The following EML6 variants were observed in gnomAD, a reference collection of about 807,000 sequenced individuals.
EML6 encodes EMAP like 6.
In EML6, 154 loss-of-function variants were observed where a neutral mutation model predicts 240.1. The observed-to-expected ratio is 0.64, with a 90% CI of 0.56 to 0.73. The LOEUF (loss-of-function observed/expected upper bound fraction) is 0.73. Among genes scored for constraint, EML6 ranks in the 30% least tolerant of loss-of-function variants. EML6 has a pLI of 0.00. For synonymous variants in EML6, 1,148 were observed against 899.0 expected, an observed-to-expected ratio of 1.28 and a Z score of -4.95; for missense variants, 2,964 against 2,474.6, an observed-to-expected ratio of 1.20 and a Z score of -4.20.
rs146867110 is a variant in EML6, at chr2:54,918,411, C to T, written c.3675+1476C>T. Among the ~76,000 whole-genome samples, 55 of 152,266 alleles carry T rather than the reference C, an allele frequency of 3.6e-4. 1 individual carries two copies. The highest frequency in any genetic ancestry group is 3.2e-4 in the Non-Finnish European group (22 of 68,010). ...TTTCCCAGGCTGGAATACAGTGGCACGATCACCGCTCACTGCAGCCTCTAC... is the reference window on the plus strand; with the variant it reads ...TTTCCCAGGCTGGAATACAGTGGCATGATCACCGCTCACTGCAGCCTCTAC... On this transcript the variant is annotated intron_variant, in intron 26 of 41. Coordinates refer to ENST00000356458, the MANE Select transcript of EML6 (RefSeq NM_001039753.4).
chr2:54,957,593 C>T (rs1233303970), intron 32 of EML6, among the ~76,000 whole-genome samples, 197 bp from the exon 33 acceptor site: 1 of 152,228 alleles, frequency 6.6e-6, no homozygotes. Flanking sequence ...GTTACCAGCA[C>T]CTGCTGCTCT....
rs538994710 is a variant in EML6, at chr2:54,789,254, T to C, written c.198-23978T>C. Among the ~76,000 whole-genome samples the C allele has an allele frequency of 1.4e-3, 220 of 152,028 alleles. 2 individuals carry two copies. The highest frequency in any genetic ancestry group is 2.2e-3 in the African/African-American group (92 of 41,526). On this transcript the variant is annotated intron_variant, in intron 2 of 41. Transcript: ENST00000356458. ...TCCGGCCGGGCGCGGTGGCTCACGC[T>C]TGTAATCCCAGCACTTTGGGAGGCC...
chr2:54,727,032 G>C (rs1273848432), intron 2 of EML6, among the ~76,000 whole-genome samples: 3 of 152,238 alleles, frequency 2.0e-5, no homozygotes, highest in African/African-American at 4.8e-5. Context: ...AAAGGGTGGA[G>C]TTGCAGTAAA....
At chr2:54,814,074 G>GT (rs745731286) in intron 3 of EML6, among the ~76,000 whole-genome samples, 4 of 152,196 alleles carry the variant, frequency 2.6e-5, no homozygotes, top group Non-Finnish European at 5.9e-5. Context: ...TGAAAGCATT[G>GT]TTTAAAACCA....
At chr2:54,741,094 C>T (rs1365937216) in intron 2 of EML6, among the ~76,000 whole-genome samples, 1 of 152,090 alleles carries the variant, frequency 6.6e-6, no homozygotes, top group East Asian at 1.9e-4. Flanking sequence ...ACGATCACAG[C>T]GATCCAGGCA....
intron 11 of EML6, among the ~76,000 whole-genome samples, chr2:54,858,025 A>C (rs142782372): frequency 6.6e-6 from 1 of 152,204 alleles, no homozygotes; most frequent in South Asian, 2.1e-4. Context: ...TTATTATATC[A>C]TGGTTTCTGG....
intron 28 of EML6, among the ~76,000 whole-genome samples, chr2:54,946,334 G>A (rs1239879299): frequency 6.6e-6 from 1 of 152,102 alleles, no homozygotes; most frequent in Non-Finnish European, 1.5e-5. Context: ...GCCAATGCCG[G>A]GTTGTGCCCA....
Position 54,829,434 on chromosome 2 carries a change from A to G in EML6, c.804A>G (p.Pro268=). 6.4e-7 allele frequency: 1 copy of G among 1,551,976 alleles called. No homozygotes were observed. The highest frequency in any genetic ancestry group is 8.7e-7 in the Non-Finnish European group (1 of 1,146,896). Residue 268 remains proline, a synonymous_variant, in exon 7 of 42, where the codon CCA becomes CCG. Coordinates refer to ENST00000356458, the MANE Select transcript of EML6 (RefSeq NM_001039753.4). ...GACTGTGGGACACTGATTTCAAACC[A>G]ATAACCAAAATTGATCTCAGGGAGA... is the stretch of plus-strand genomic sequence containing the variant. ...CIRLWDTDFK[P]ITKIDLRETE...
chr2:54,967,488 G>A (rs1053633714), intron 39 of EML6, among the ~76,000 whole-genome samples: 5 of 152,170 alleles, frequency 3.3e-5, no homozygotes, highest in African/African-American at 1.2e-4. Flanking sequence ...CTAATTCATG[G>A]GAAAAGAGAC....
chr2:54,760,045 G>A (rs1015116134), intron 2 of EML6, among the ~76,000 whole-genome samples: 1 of 151,858 alleles, frequency 6.6e-6, no homozygotes, highest in African/African-American at 2.4e-5. Context: ...CATTAAGAAT[G>A]TTAGTAATTT....
intron 2 of EML6, among the ~76,000 whole-genome samples, chr2:54,778,474 A>G (rs1469885163): frequency 6.6e-6 from 1 of 152,184 alleles, no homozygotes; most frequent in Non-Finnish European, 1.5e-5. Context: ...ACGTTTCCAA[A>G]TGAGGATTAC....
intron 13 of EML6, among the ~76,000 whole-genome samples, chr2:54,865,497 C>G (rs1398175838): frequency 1.3e-5 from 2 of 152,080 alleles, no homozygotes; most frequent in African/African-American, 2.4e-5. Flanking sequence ...AAAAGGTAGA[C>G]TTAAAATTCA....
At chr2:54,834,742 G>A (rs1030988057) in intron 7 of EML6, among the ~76,000 whole-genome samples, 7 of 152,142 alleles carry the variant, frequency 4.6e-5, no homozygotes, top group Non-Finnish European at 8.8e-5. Flanking sequence ...AGAATTAGAG[G>A]CCAAAGTTCC....
At chr2:54,743,434 A>G (rs952314269) in intron 2 of EML6, among the ~76,000 whole-genome samples, 2 of 152,230 alleles carry the variant, frequency 1.3e-5, no homozygotes, top group Admixed American at 1.3e-4. Flanking sequence ...TGCTGTATAT[A>G]TCTATTATTT....
At chr2:54,871,277 C>T (rs1671242526) in intron 15 of EML6, among the ~76,000 whole-genome samples, 1 of 152,176 alleles carries the variant, frequency 6.6e-6, no homozygotes, top group African/African-American at 2.4e-5. Context: ...TCAGGTTAGG[C>T]TCTGTTGGAA....
At chr2:54,874,497 A>G (rs934694711) in intron 16 of EML6, among the ~76,000 whole-genome samples, 5 of 152,242 alleles carry the variant, frequency 3.3e-5, no homozygotes, top group African/African-American at 1.2e-4. Context: ...TCACTGGGAA[A>G]GAGCCCATTT....
At chr2:54,754,362 AAGTT>A (rs889378266) in intron 2 of EML6, among the ~76,000 whole-genome samples, 1 of 152,082 alleles carries the variant, frequency 6.6e-6, no homozygotes, top group African/African-American at 2.4e-5. Flanking sequence ...TCAGAACTGT[AAGTT>A]AGTACATTTG....
intron 16 of EML6, among the ~76,000 whole-genome samples, chr2:54,877,648 T>G (rs1480039348): frequency 1.3e-5 from 2 of 152,212 alleles, no homozygotes; most frequent in African/African-American, 4.8e-5. Context: ...TTGCCCAATT[T>G]AAAGCCTGGT....
At chr2:54,966,877 T>G (rs912202311) in intron 38 of EML6, 123 bp from the exon 39 acceptor site, 2 of 607,732 alleles carry the variant, frequency 3.3e-6, no homozygotes, top group African/African-American at 3.7e-5. Flanking sequence ...GGAGCTGAGC[T>G]TGGGTTTGGA....
Sources: allele counts gnomAD v4.1 joint callset (sites outside exome capture counted in the v4.1 genomes callset), GRCh38; gene constraint gnomAD v4.1.1; transcripts MANE v1.5; gene names NCBI Gene and HGNC (gene_info 2026-07-23, HGNC 2026-07-21).